Variants in ENOX1 observed in about 807,000 individuals in gnomAD.
ENOX1 encodes candidate growth-related and time keeping constitutive hydroquinone (NADH) oxidase.
A neutral mutation model predicts 82.5 loss-of-function variants in ENOX1; 42 were observed. The ratio of observed to expected loss-of-function variants is 0.51; its 90% confidence interval spans 0.40 to 0.66. ENOX1 has a LOEUF of 0.66. Among genes scored for constraint, ENOX1 ranks in the 30% least tolerant of loss-of-function variants. ENOX1 has a pLI of 0.00. For synonymous variants in ENOX1, 271 were observed against 282.2 expected (o/e 0.96, Z 0.40); for missense variants, 608 against 811.6 (o/e 0.75, Z 3.05).
In ENOX1 at chr13:43,669,271, G is replaced by A. The variant is rs567537613; in HGVS notation, c.-284-1727C>T. On this transcript the variant is annotated intron_variant, in intron 1 of 16. Transcript: ENST00000690772. Reference sequence around the variant, plus strand: ...CTATTTGGCAGATGCCCTGCTGGGAGTAATTGAAGGCTCTCAGTGTGACCA... The same window carrying A: ...CTATTTGGCAGATGCCCTGCTGGGAATAATTGAAGGCTCTCAGTGTGACCA... Among the ~76,000 whole-genome samples, 14 of 152,346 alleles carry A rather than the reference G, an allele frequency of 9.2e-5. No individual in the cohort carries two copies. In the East Asian group the frequency reaches 2.3e-3, roughly 25 times the overall value.
At chr13:43,671,353 A>G (rs1276950211) in intron 1 of ENOX1, among the ~76,000 whole-genome samples, 1 of 152,214 alleles carries the variant, frequency 6.6e-6, no homozygotes, top group Non-Finnish European at 1.5e-5. Flanking sequence ...GATGTAACTC[A>G]ACTCTCAGAA....
intron 9 of ENOX1, among the ~76,000 whole-genome samples, chr13:43,329,397 G>A (rs1193139139): frequency 6.6e-6 from 1 of 152,070 alleles, no homozygotes; most frequent in Non-Finnish European, 1.5e-5. Context: ...GAGGAAGAGG[G>A]GTGCGAGGTA....
intron 1 of ENOX1, among the ~76,000 whole-genome samples, chr13:43,690,481 G>A (rs1227047646): frequency 6.6e-6 from 1 of 152,024 alleles, no homozygotes; most frequent in Non-Finnish European, 1.5e-5. Context: ...ACACCCAGTT[G>A]GCAGTTCAGT....
rs145855237 is a variant in ENOX1, at chr13:43,567,305, T to C, written c.-218-83153A>G. Among the ~76,000 whole-genome samples, 495 of 152,282 alleles carry C rather than the reference T, an allele frequency of 3.3e-3. 2 individuals are homozygous for C. Among genetic ancestry groups the C allele is most frequent in the African/African-American group, 0.011 (467 of 41,562 alleles). ...CATGTGTTAGTGCAAATCAGTACCATGTGCTTTTTCCCTGTCAGTATTTGT... is the reference window on the plus strand; with the variant it reads ...CATGTGTTAGTGCAAATCAGTACCACGTGCTTTTTCCCTGTCAGTATTTGT... On this transcript the variant is annotated intron_variant, in intron 2 of 16. Coordinates refer to ENST00000690772, the MANE Select transcript of ENOX1 (RefSeq NM_001347969.2).
chr13:43,437,027 G>A (rs1312144933), intron 3 of ENOX1, among the ~76,000 whole-genome samples: 1 of 152,150 alleles, frequency 6.6e-6, no homozygotes, highest in Non-Finnish European at 1.5e-5. Context: ...ATTCCTAGAA[G>A]AATGCTGAAG....
At chr13:43,279,926 GAGA>G (rs908309237) in intron 12 of ENOX1, among the ~76,000 whole-genome samples, 48 of 152,378 alleles carry the variant, frequency 3.2e-4, no homozygotes, top group African/African-American at 1.1e-3. Flanking sequence ...CAATTCACAA[GAGA>G]AGGTGTCAAA....
Position 43,340,843 on chromosome 13 carries a change from C to G in ENOX1, c.1036+3695G>C, listed in dbSNP as rs189643541. Among the ~76,000 whole-genome samples the G allele has an allele frequency of 2.6e-5, 4 of 152,296 alleles. No homozygotes were observed. The East Asian group carries it at 7.7e-4, about 29-fold the overall frequency. On this transcript the variant is annotated intron_variant, in intron 9 of 16. Transcript: ENST00000690772. Reference sequence around the variant, plus strand: ...ACTCATTCATTCACTCACTCATCCACCAAATATTTCTTGCATATTTCTATG... The same window carrying G: ...ACTCATTCATTCACTCACTCATCCAGCAAATATTTCTTGCATATTTCTATG...
intron 3 of ENOX1, among the ~76,000 whole-genome samples, chr13:43,483,629 G>A (rs928263401): frequency 2.6e-5 from 4 of 152,190 alleles, no homozygotes; most frequent in East Asian, 1.9e-4. Context: ...GATTTTCAAC[G>A]TTTCAAAATA....
In ENOX1 at chr13:43,609,883, T is replaced by A. The variant is rs1333104890; in HGVS notation, c.-219+57596A>T. 8.2e-6 allele frequency: 8 copies of A among 977,542 alleles called. No individual in the cohort carries two copies. The East Asian group carries it at 9.1e-4, about 111-fold the overall frequency. 60.6% of individuals were successfully genotyped at this position (977,542 alleles called of 1,614,324 possible). On this transcript the variant is annotated intron_variant, in intron 2 of 16. Coordinates refer to ENST00000690772, the MANE Select transcript of ENOX1 (RefSeq NM_001347969.2). ...CATTAATCTACTACTAGGGACTTAC[T>A]TCATTCATGTAAGAAATTTTTCCAT... is the stretch of plus-strand genomic sequence containing the variant.
chr13:43,241,503 C>T (rs1033862325), intron 14 of ENOX1, among the ~76,000 whole-genome samples: 4 of 152,140 alleles, frequency 2.6e-5, no homozygotes, highest in Non-Finnish European at 5.9e-5. Context: ...TCAAGAGTTT[C>T]CTCTCAGTGA....
In ENOX1 at chr13:43,224,147, A is replaced by C. The variant is rs765891517; in HGVS notation, c.1715-9T>G. 6.2e-7 allele frequency: 1 copy of C among 1,608,462 alleles called. No homozygotes were observed. Among genetic ancestry groups the C allele is most frequent in the Admixed American group, 1.7e-5 (1 of 59,992 alleles). On this transcript the variant is annotated splice_polypyrimidine_tract_variant and intron_variant, in intron 15 of 16. Coordinates refer to ENST00000690772, the MANE Select transcript of ENOX1 (RefSeq NM_001347969.2). The stretch of plus-strand genomic sequence containing the variant: ...AAACGTTGATATGATACCTGAATTA[A>C]AAAGGCAAACATTGGAAATTATTCA...
In ENOX1 at chr13:43,552,437, C is replaced by T. The variant is rs2079241179; in HGVS notation, c.-218-68285G>A. 2.0e-5 allele frequency among the ~76,000 whole-genome samples: 3 copies of T among 152,036 alleles called. No homozygotes were observed. In the South Asian group the frequency reaches 6.2e-4, roughly 32 times the overall value. Reference sequence around the variant, plus strand: ...CTTTCATTCCTTAGCTTATTCCCTCCCTTCTTCTTTCTCATTTACACAGAA... The same window carrying T: ...CTTTCATTCCTTAGCTTATTCCCTCTCTTCTTCTTTCTCATTTACACAGAA... On this transcript the variant is annotated intron_variant, in intron 2 of 16. Coordinates refer to ENST00000690772, the MANE Select transcript of ENOX1 (RefSeq NM_001347969.2).
At chr13:43,707,682 G>A (rs371248195) in intron 1 of ENOX1, among the ~76,000 whole-genome samples, 119 of 131,950 alleles carry the variant, frequency 9.0e-4, no homozygotes, top group Admixed American at 2.5e-3. Flanking sequence ...ACAGTGAGCC[G>A]AGATCACGCC....
chr13:43,529,324 C>T (rs972150481), intron 2 of ENOX1, among the ~76,000 whole-genome samples: 2 of 152,040 alleles, frequency 1.3e-5, no homozygotes, highest in Non-Finnish European at 2.9e-5. Flanking sequence ...CTCAGTGCTA[C>T]TGTTAAAGTA....
intron 2 of ENOX1, among the ~76,000 whole-genome samples, chr13:43,557,310 A>G (rs1256569407): frequency 6.6e-6 from 1 of 152,170 alleles, no homozygotes; most frequent in Non-Finnish European, 1.5e-5. Flanking sequence ...GTTTCCATAA[A>G]GCGGTCTGAG....
chr13:43,303,301 G>A (rs757228937), intron 11 of ENOX1, among the ~76,000 whole-genome samples: 2 of 152,174 alleles, frequency 1.3e-5, no homozygotes, highest in African/African-American at 2.4e-5. Flanking sequence ...ACTAGGAAAG[G>A]GAGCTGTAGT....
At chr13:43,707,757 C>CAAA (rs1566805007) in intron 1 of ENOX1, among the ~76,000 whole-genome samples, 1 of 42,952 alleles carries the variant, frequency 2.3e-5, no homozygotes, top group Non-Finnish European at 4.6e-5. Flanking sequence ...AAAAAAAAAA[C>CAAA]CAAGAACAAA....
intron 1 of ENOX1, among the ~76,000 whole-genome samples, chr13:43,773,891 ATATC>A (rs1951782258): frequency 6.6e-6 from 1 of 152,230 alleles, no homozygotes. Flanking sequence ...CGCACAATGA[ATATC>A]TAGCATGCTT....
At chr13:43,694,687 G>T (rs886354249) in intron 1 of ENOX1, among the ~76,000 whole-genome samples, 9 of 152,112 alleles carry the variant, frequency 5.9e-5, no homozygotes, top group African/African-American at 1.9e-4. Flanking sequence ...TTTAATTTAT[G>T]GTTAATCTTA....
Sources: gnomAD v4.1 joint callset for allele counts (sites outside exome capture counted in the v4.1 genomes callset) on GRCh38, gnomAD v4.1.1 for gene constraint, MANE v1.5 for transcripts, NCBI Gene and HGNC (gene_info 2026-07-23, HGNC 2026-07-21) for gene names.